The following SLC13A3 variants were observed in gnomAD, a reference collection of about 807,000 sequenced individuals.
SLC13A3 encodes solute carrier family 13 member 3.
In SLC13A3, 40 loss-of-function variants were observed where a neutral mutation model predicts 59.0. The observed-to-expected ratio is 0.68, with a 90% CI of 0.53 to 0.88. The LOEUF (loss-of-function observed/expected upper bound fraction) is 0.88, where lower values mean the gene tolerates loss of function less well. Among genes scored for constraint, SLC13A3 ranks in the 40% least tolerant of loss-of-function variants. The pLI is 0.00. For missense variants in SLC13A3, 699 were observed against 783.2 expected (o/e 0.89, Z 1.28); for synonymous variants, 317 against 330.3 (o/e 0.96, Z 0.44).
chr20:46,591,224 CCA>C (rs1600528129), intron 6 of SLC13A3, among the ~76,000 whole-genome samples: 3 of 152,002 alleles, frequency 2.0e-5, no homozygotes, highest in South Asian at 2.1e-4. Flanking sequence ...GTCACGGAGG[CCA>C]GTCACTAGAA....
At chr20:46,611,385 CT>C (rs1555879506) in intron 2 of SLC13A3, among the ~76,000 whole-genome samples, 1 of 152,172 alleles carries the variant, frequency 6.6e-6, no homozygotes, top group Non-Finnish European at 1.5e-5. Context: ...AAGTTTCCCC[CT>C]ATCTCCCTAC....
chr20:46,660,535 C>T (rs1041166843), intron 1 of SLC13A3, among the ~76,000 whole-genome samples: 1 of 152,080 alleles, frequency 6.6e-6, no homozygotes, highest in African/African-American at 2.4e-5. Flanking sequence ...GTAAGTAATG[C>T]CCCATTTTTA....
chr20:46,673,278 C>T (rs573894459), upstream of SLC13A3, among the ~76,000 whole-genome samples: 6 of 152,240 alleles, frequency 3.9e-5, no homozygotes, highest in East Asian at 3.9e-4. Context: ...GGAAATAACA[C>T]GCTATGTGAG....
intron 1 of SLC13A3, among the ~76,000 whole-genome samples, chr20:46,630,049 A>AT (rs2062722129): frequency 6.6e-6 from 1 of 152,026 alleles, no homozygotes; most frequent in South Asian, 2.1e-4. Context: ...GCCCACAGGT[A>AT]TCTAAGCATT....
chr20:46,670,665 G>A (rs1225145155), upstream of SLC13A3, among the ~76,000 whole-genome samples: 4 of 152,122 alleles, frequency 2.6e-5, no homozygotes, highest in African/African-American at 7.2e-5. Flanking sequence ...AGCCCCAGCA[G>A]AGCTCCCACT....
intron 11 of SLC13A3, among the ~76,000 whole-genome samples, chr20:46,564,300 CCA>C (rs2061961389): frequency 6.6e-6 from 1 of 152,228 alleles, no homozygotes; most frequent in Non-Finnish European, 1.5e-5. Context: ...TAGTGGGCCA[CCA>C]GTTTGTCACC....
intron 2 of SLC13A3, among the ~76,000 whole-genome samples, chr20:46,612,848 C>G (rs1243172394): frequency 6.6e-6 from 1 of 152,160 alleles, no homozygotes; most frequent in Non-Finnish European, 1.5e-5. Flanking sequence ...GATTGTAACC[C>G]TGCCTCCCTT....
intron 1 of SLC13A3, among the ~76,000 whole-genome samples, chr20:46,636,835 CTG>C (rs2062800537): frequency 6.7e-6 from 1 of 149,368 alleles, no homozygotes; most frequent in African/African-American, 2.5e-5. Context: ...GAGACAGACT[CTG>C]TCACCCAGGC....
At chr20:46,592,371 C>T (rs1352026971) in intron 6 of SLC13A3, 33 bp downstream of exon 6, 9 of 1,612,260 alleles carry the variant, frequency 5.6e-6, no homozygotes, top group Non-Finnish European at 7.6e-6. Context: ...CCCTGCTTCC[C>T]CACTCTATTG....
intron 1 of SLC13A3, among the ~76,000 whole-genome samples, chr20:46,682,623 T>C (rs1356935209): frequency 6.6e-6 from 1 of 152,120 alleles, no homozygotes; most frequent in African/African-American, 2.4e-5. Flanking sequence ...CTGTGTCTCA[T>C]TTGCTTCTTC....
intron 1 of SLC13A3, among the ~76,000 whole-genome samples, chr20:46,680,364 T>C (rs759611209): frequency 3.3e-5 from 5 of 152,234 alleles, no homozygotes; most frequent in African/African-American, 4.8e-5. Context: ...ATATTGCTCA[T>C]TGTCACCATG....
upstream of SLC13A3, among the ~76,000 whole-genome samples, chr20:46,670,657 C>T: frequency 6.6e-6 from 1 of 152,148 alleles, no homozygotes; most frequent in East Asian, 1.9e-4. Flanking sequence ...GATGTCTCAG[C>T]CCCAGCAGAG....
At chr20:46,612,136 T>A (rs1427081314) in intron 2 of SLC13A3, among the ~76,000 whole-genome samples, 2 of 140,896 alleles carry the variant, frequency 1.4e-5, no homozygotes, top group Admixed American at 7.0e-5. Context: ...TTTTTTTTTT[T>A]TTTTTTTTTT....
At chr20:46,567,429 A>T (rs1321928861) in intron 10 of SLC13A3, among the ~76,000 whole-genome samples, 6 of 152,098 alleles carry the variant, frequency 3.9e-5, no homozygotes, top group Middle Eastern at 3.4e-3. Flanking sequence ...AGCCTGAAAA[A>T]GTTTTTGTGA....
At chr20:46,640,311 A>T (rs2062835483) in intron 1 of SLC13A3, among the ~76,000 whole-genome samples, 1 of 152,034 alleles carries the variant, frequency 6.6e-6, no homozygotes, top group Non-Finnish European at 1.5e-5. Context: ...CCTGCAGGAG[A>T]GTAGAGCTAA....
intron 1 of SLC13A3, among the ~76,000 whole-genome samples, chr20:46,623,832 T>C (rs2062640600): frequency 6.6e-6 from 1 of 152,232 alleles, no homozygotes; most frequent in Non-Finnish European, 1.5e-5. Flanking sequence ...TTATTAGCTC[T>C]ATTTTACTGA....
At chr20:46,592,969 T>C (rs1188952189) in intron 5 of SLC13A3, among the ~76,000 whole-genome samples, 1 of 152,220 alleles carries the variant, frequency 6.6e-6, no homozygotes, top group Non-Finnish European at 1.5e-5. Context: ...TTCATGAAAA[T>C]GTTTTAATGA....
At chr20:46,630,913 C>T (rs1432599193) in intron 1 of SLC13A3, among the ~76,000 whole-genome samples, 1 of 152,168 alleles carries the variant, frequency 6.6e-6, no homozygotes, top group East Asian at 1.9e-4. Flanking sequence ...ATGATCATAC[C>T]ATCTCCCTTG....
chr20:46,599,126 C>G (rs905342366), intron 4 of SLC13A3, among the ~76,000 whole-genome samples: 1 of 152,216 alleles, frequency 6.6e-6, no homozygotes, highest in Non-Finnish European at 1.5e-5. Context: ...CCATGGATTA[C>G]ATTCACTTAT....
Sources: gnomAD v4.1 joint callset for allele counts (sites outside exome capture counted in the v4.1 genomes callset) on GRCh38, gnomAD v4.1.1 for gene constraint, MANE v1.5 for transcripts, NCBI Gene and HGNC (gene_info 2026-07-23, HGNC 2026-07-21) for gene names.